Variants in LDAH observed in about 807,000 individuals in gnomAD.
The protein encoded by LDAH is lipid droplet-associated hydrolase.
A neutral mutation model predicts 29.6 loss-of-function variants in LDAH; 26 were observed. That is an observed-to-expected ratio of 0.88 (90% confidence interval 0.64 to 1.22). The LOEUF (loss-of-function observed/expected upper bound fraction) is 1.22, where lower values mean the gene tolerates loss of function less well. Among genes scored for constraint, LDAH ranks in the 50% most tolerant of loss-of-function variants. LDAH has a pLI of 0.00. For synonymous variants in LDAH, 117 were observed against 133.0 expected, an observed-to-expected ratio of 0.88 and a Z score of 0.83; for missense variants, 344 against 387.3, an observed-to-expected ratio of 0.89 and a Z score of 0.94.
intron 2 of LDAH, among the ~76,000 whole-genome samples, chr2:20,790,866 G>A (rs1474497342): frequency 6.6e-6 from 1 of 152,058 alleles, no homozygotes; most frequent in Non-Finnish European, 1.5e-5. Context: ...GTGTACAGAA[G>A]GTATTTTTGA....
chr2:20,701,756 G>T, intron 5 of LDAH, 104 bp from the exon 6 acceptor site: 1 of 986,292 alleles, frequency 1.0e-6, no homozygotes, highest in Non-Finnish European at 1.6e-6. Flanking sequence ...TTTGGCACGT[G>T]CTATCTGATG....
chr2:20,770,231 T>A (rs1018034335), intron 4 of LDAH, among the ~76,000 whole-genome samples: 3 of 152,140 alleles, frequency 2.0e-5, no homozygotes, highest in African/African-American at 7.2e-5. Context: ...TGAGTTTAAG[T>A]AATCCAGAAA....
chr2:20,782,821 T>C (rs1670287074), intron 3 of LDAH, among the ~76,000 whole-genome samples: 1 of 152,180 alleles, frequency 6.6e-6, no homozygotes, highest in South Asian at 2.1e-4. Context: ...TTCAACTTCA[T>C]TGATTTGTGT....
chr2:20,755,840 T>C (rs1466755926), intron 4 of LDAH, among the ~76,000 whole-genome samples: 1 of 152,200 alleles, frequency 6.6e-6, no homozygotes, highest in Non-Finnish European at 1.5e-5. Flanking sequence ...TGCTTCAGGA[T>C]GCTGTGTGTT....
intron 4 of LDAH, among the ~76,000 whole-genome samples, chr2:20,750,945 G>T (rs559890605): frequency 6.6e-6 from 1 of 152,216 alleles, no homozygotes; most frequent in Admixed American, 6.5e-5. Flanking sequence ...CCTGCAAAAG[G>T]AAGTTAAACA....
chr2:20,758,276 T>C (rs1337510857), intron 4 of LDAH, among the ~76,000 whole-genome samples: 1 of 152,150 alleles, frequency 6.6e-6, no homozygotes, highest in Non-Finnish European at 1.5e-5. Context: ...TAAAGTCAGA[T>C]AGGGAGTTTA....
chr2:20,794,227 A>G (rs765910536), intron 2 of LDAH, among the ~76,000 whole-genome samples: 1 of 152,168 alleles, frequency 6.6e-6, no homozygotes, highest in African/African-American at 2.4e-5. Flanking sequence ...CTTATTCACT[A>G]TCACAAGAAC....
chr2:20,806,839 G>A (rs2125125617), intron 1 of LDAH, among the ~76,000 whole-genome samples: 1 of 151,376 alleles, frequency 6.6e-6, no homozygotes, highest in South Asian at 2.1e-4. Flanking sequence ...TAGAAAACAA[G>A]GCTGCAAATA....
At position 20,801,369 on chromosome 2, in the gene LDAH, G is replaced by A. The variant is rs1671652310; in HGVS notation, c.95C>T (p.Thr32Ile). ...ETQVLKCGPWTDLFHDQSVKR... is the reference protein window; with the variant it reads ...ETQVLKCGPWIDLFHDQSVKR... ...GACACTTTGATCATGAAAGAGGTCT[G>A]TCCAGGGCCCACATTTTAGAACCTG... Residue 32 changes from threonine to isoleucine, a missense_variant, in exon 2 of 7, where the codon ACA (threonine) becomes ATA (isoleucine). Transcript: ENST00000237822. 2 of 1,613,964 alleles carry A rather than the reference G, an allele frequency of 1.2e-6. No individual in the cohort carries two copies. The highest frequency in any genetic ancestry group is 2.2e-5 in the South Asian group (2 of 91,086).
intron 5 of LDAH, among the ~76,000 whole-genome samples, chr2:20,716,249 A>C (rs1462272210): frequency 6.6e-6 from 1 of 152,158 alleles, no homozygotes; most frequent in Non-Finnish European, 1.5e-5. Flanking sequence ...AGGATTATAA[A>C]TCATGCTACT....
At chr2:20,808,403 C>T (rs1277490243) in intron 1 of LDAH, among the ~76,000 whole-genome samples, 1 of 151,994 alleles carries the variant, frequency 6.6e-6, no homozygotes, top group East Asian at 1.9e-4. Flanking sequence ...GGCTCACACG[C>T]CTGTAATCCC....
intron 5 of LDAH, among the ~76,000 whole-genome samples, chr2:20,715,635 T>A (rs936347605): frequency 2.0e-5 from 3 of 152,176 alleles, no homozygotes; most frequent in Admixed American, 6.6e-5. Flanking sequence ...GAAAACCCCA[T>A]TGTCTCAGCC....
rs115633453 is a variant in LDAH at position 20,766,927 on chromosome 2, C to T, written c.468+7883G>A. On this transcript the variant is annotated intron_variant, in intron 4 of 6. Transcript: ENST00000237822. ...CTCAGGAGGGGGCTCTGCGCAGGGC[C>T]GCCCAGGGCTCTGTCCCCAGGGTCT... Among the ~76,000 whole-genome samples the T allele has an allele frequency of 6.0e-3, 912 of 152,298 alleles. 9 individuals are homozygous for T. The highest frequency in any genetic ancestry group is 0.019 in the African/African-American group (791 of 41,572).
At chr2:20,688,354 G>A (rs780244217) in intron 6 of LDAH, among the ~76,000 whole-genome samples, 14 of 152,206 alleles carry the variant, frequency 9.2e-5, no homozygotes, top group Admixed American at 2.6e-4. Context: ...GGAATATAGG[G>A]TGGTGGGAGA....
downstream of LDAH, chr2:20,684,010 C>T (rs1001123150): frequency 5.3e-5 from 8 of 152,154 alleles, no homozygotes; most frequent in South Asian, 2.1e-4. Context: ...CAATGAGACA[C>T]GGATGCAGGA....
chr2:20,788,157 G>A (rs531261558), intron 3 of LDAH, among the ~76,000 whole-genome samples: 1 of 152,010 alleles, frequency 6.6e-6, no homozygotes, highest in Non-Finnish European at 1.5e-5. Flanking sequence ...AATAAAGGAA[G>A]GTAATCCATT....
At chr2:20,730,760 A>C (rs1415629301) in intron 5 of LDAH, among the ~76,000 whole-genome samples, 1 of 151,654 alleles carries the variant, frequency 6.6e-6, no homozygotes, top group Non-Finnish European at 1.5e-5. Flanking sequence ...CTTTTGGCCT[A>C]AGAAGAGCCA....
intron 4 of LDAH, among the ~76,000 whole-genome samples, chr2:20,750,185 C>T (rs1442631307): frequency 3.3e-5 from 5 of 152,080 alleles, no homozygotes; most frequent in African/African-American, 1.2e-4. Context: ...GCCATCACAC[C>T]CAGCTGATTT....
rs760489812 is a variant in LDAH, at chr2:20,790,383, GA to G, written c.169del (p.Ser57LeufsTer14). On this transcript the variant is annotated frameshift_variant, in exon 3 of 7. Transcript: ENST00000237822. LOFTEE classifies it high-confidence loss of function. ...IFIIPGNPGF[S>X]AFYVPFAKAL... is the part of the protein sequence containing the mutation. ...CTTTGCAAATGGCACATAAAAGGCA[GA>G]AAAACCTGGGTTACCTAAGAAAAGA... The G allele has an allele frequency of 4.3e-6, 7 of 1,612,696 alleles. No homozygotes were observed. In the African/African-American group the frequency reaches 9.4e-5, roughly 22 times the overall value.
Sources: allele counts gnomAD v4.1 joint callset (sites outside exome capture counted in the v4.1 genomes callset), GRCh38; gene constraint gnomAD v4.1.1; transcripts MANE v1.5; gene names NCBI Gene and HGNC (gene_info 2026-07-23, HGNC 2026-07-21).